The following PEX11B variants were observed in gnomAD, a reference collection of about 807,000 sequenced individuals.
PEX11B encodes the protein peroxisomal membrane protein 11B.
Under a neutral mutation model 28.2 loss-of-function variants are expected in PEX11B, and 18 were observed. The observed-to-expected ratio is 0.64, with a 90% confidence interval of 0.44 to 0.95. PEX11B has a LOEUF of 0.95. Among genes scored for constraint, PEX11B ranks in the 40% least tolerant of loss-of-function variants. The probability of loss-of-function intolerance (pLI) is 0.00; values close to 1 mark genes in which losing one functional copy is unlikely to be tolerated. For synonymous variants in PEX11B, 128 were observed against 128.7 expected (o/e 0.99, Z 0.04); for missense variants, 305 against 319.8 (o/e 0.95, Z 0.35).
rs987520093 is a variant in PEX11B, at chr1:145,917,886, G to C, written c.57-70C>G. ...TTCCGCTCAAAACTATCTTCCAAAA[G>C]GCACAGACAGACTTCCCCCTTTCCC... On this transcript the variant is annotated intron_variant, in intron 1 of 3. Transcript: ENST00000369306. 3.5e-6 allele frequency: 5 copies of C among 1,428,546 alleles called. No homozygotes were observed. The African/African-American group carries it at 5.6e-5, about 16-fold the overall frequency. The allele number at this position is 1,428,546 out of a possible 1,614,324, so 88.5% of individuals were successfully genotyped here.
intron 2 of PEX11B, 29 bp downstream of exon 2, chr1:145,917,672 G>A (rs1559225088): frequency 8.2e-7 from 1 of 1,225,778 alleles, no homozygotes; most frequent in Non-Finnish European, 1.2e-6. Flanking sequence ...GAAAGGTTGG[G>A]GGATAAAAGG....
chr1:145,917,737 G>T lies in PEX11B; in HGVS notation c.136C>A (p.Arg46=). The T allele has an allele frequency of 1.2e-6, 2 of 1,612,164 alleles. No individual in the cohort carries two copies. The highest frequency in any genetic ancestry group is 1.7e-6 in the Non-Finnish European group (2 of 1,178,200). The change falls in exon 2 of 4, where the codon CGA becomes AGA. Residue 46 remains arginine, a synonymous_variant. Coordinates refer to ENST00000369306, the MANE Select transcript of PEX11B (RefSeq NM_003846.3). ...GASPELQKQI[R]QLESHLSLGR... is the part of the protein sequence containing the mutation. The stretch of plus-strand genomic sequence containing the variant: ...AGGCTCAGGTGGCTCTCCAGTTGTC[G>T]AATCTGTTTCTGTAACTCAGGACTG...
rs956500532 is a variant in PEX11B, at chr1:145,911,960, A to T, written c.*201T>A. The T allele has an allele frequency of 1.4e-5, 6 of 433,282 alleles. No individual in the cohort carries two copies. The highest frequency in any genetic ancestry group is 2.4e-5 in the Non-Finnish European group (6 of 246,328). 26.8% of individuals were successfully genotyped at this position (433,282 alleles called of 1,614,324 possible). On this transcript the variant is annotated 3_prime_UTR_variant, in exon 4 of 4. Transcript: ENST00000369306. ...AGGAAAAGAACAGAAGCTCAGGCAC[A>T]TCTAGAAATTAGAGACATCCTATTA... is the stretch of plus-strand genomic sequence containing the variant.
At chr1:145,918,298 A>G in intron 1 of PEX11B, 1 of 1,469,168 alleles carries the variant, frequency 6.8e-7, no homozygotes, top group Admixed American at 2.3e-5. Context: ...GTGCCTCCTC[A>G]GCTCTGGGGG....
rs144057120 is a variant in PEX11B at position 145,917,916 on chromosome 1, T to G, written c.57-100A>C. 2.6e-4 allele frequency: 368 copies of G among 1,398,870 alleles called. No individual in the cohort carries two copies. In the African/African-American group the frequency reaches 4.7e-3, roughly 18 times the overall value. The allele number at this position is 1,398,870 out of a possible 1,614,324, so 86.7% of individuals were successfully genotyped here. A position where few individuals can be genotyped will look rare whatever the true frequency, so the allele number is the denominator to read the frequency against. ...AGACAGACTTCCCCCTTTCCCAGTTTGAGAACACTCCCCTTCCTCCTCCAT... is the reference window on the plus strand; with the variant it reads ...AGACAGACTTCCCCCTTTCCCAGTTGGAGAACACTCCCCTTCCTCCTCCAT... On this transcript the variant is annotated intron_variant, in intron 1 of 3. Transcript: ENST00000369306.
In PEX11B at chr1:145,912,367, G is replaced by A; in HGVS notation, c.574C>T (p.Leu192=). The change falls in exon 4 of 4, where the codon CTG becomes TTG. Residue 192 remains leucine, a synonymous_variant. Transcript: ENST00000369306. The part of the protein sequence containing the change: ...GLPQLALKLR[L]QVLLLARVLR... ...ACTCGAGCCAGGAGCAGGACTTGCA[G>A]CCGAAGTTTCAGAGCCAGTTGGGGC... 1 of 1,612,930 alleles carries A rather than the reference G, an allele frequency of 6.2e-7. No homozygotes were observed. The highest frequency in any genetic ancestry group is 8.5e-7 in the Non-Finnish European group (1 of 1,179,452).
chr1:145,918,169 C>T lies in PEX11B; in HGVS notation c.57-353G>A, dbSNP rs1448373999. ...GCAGACAGTTGGAGGGCATTTTATT[C>T]CTCAGAATAGGTGAACTGAGAGATT... On this transcript the variant is annotated intron_variant, in intron 1 of 3. Transcript: ENST00000369306. 3 of 985,298 alleles carry T rather than the reference C, an allele frequency of 3.0e-6. No individual in the cohort carries two copies. The African/African-American group carries it at 5.2e-5, about 17-fold the overall frequency. The allele number at this position is 985,298 out of a possible 1,614,324, so 61.0% of individuals were successfully genotyped here. A position where few individuals can be genotyped will look rare whatever the true frequency, so the allele number is the denominator to read the frequency against.
At position 145,911,509 on chromosome 1, in the gene PEX11B, TG is replaced by T; in HGVS notation, c.*651del. On this transcript the variant is annotated 3_prime_UTR_variant, in exon 4 of 4. Transcript: ENST00000369306. ...AAGCGACAAAGGAGTAAGAACAGACTGGGGAATAAAGCTCTGAAATCAAAGT... is the reference window on the plus strand; with the variant it reads ...AAGCGACAAAGGAGTAAGAACAGACTGGGAATAAAGCTCTGAAATCAAAGT... 1 of 159,920 alleles carries T rather than the reference TG, an allele frequency of 6.3e-6. No individual in the cohort carries two copies. Among genetic ancestry groups the T allele is most frequent in the Non-Finnish European group, 1.4e-5 (1 of 71,008 alleles). 9.9% of individuals were successfully genotyped at this position (159,920 alleles called of 1,614,324 possible).
At chr1:145,917,127 AT>A (rs1647428746) in intron 2 of PEX11B, 109 bp from the exon 3 acceptor site, 1 of 753,504 alleles carries the variant, frequency 1.3e-6, no homozygotes, top group Non-Finnish European at 2.4e-6. Context: ...AATAATGACA[AT>A]TTTTTTAAAG....
At position 145,918,696 on chromosome 1, in the gene PEX11B, G is replaced by A. The variant is rs367781981; in HGVS notation, c.-8C>T. Reference sequence around the variant, plus strand: ...GCGGACCCAGGCGTCCATGACAGCCGCAGCCCAGGCTCCGCGGCCCTGCTC... The same window carrying A: ...GCGGACCCAGGCGTCCATGACAGCCACAGCCCAGGCTCCGCGGCCCTGCTC... On this transcript the variant is annotated 5_prime_UTR_variant, in exon 1 of 4. Transcript: ENST00000369306. The A allele has an allele frequency of 7.8e-6, 12 of 1,541,144 alleles. No homozygotes were observed. The African/African-American group carries it at 8.3e-5, about 11-fold the overall frequency.
intron 2 of PEX11B, among the ~76,000 whole-genome samples, 166 bp downstream of exon 2, chr1:145,917,535 T>G (rs1287651619): frequency 6.6e-6 from 1 of 152,192 alleles, no homozygotes; most frequent in Non-Finnish European, 1.5e-5. Context: ...TCCGCCTAAT[T>G]ACTTCCATAC....
chr1:145,912,311 G>A lies in PEX11B; in HGVS notation c.630C>T (p.Asp210=), dbSNP rs782043450. Residue 210 remains aspartate (D), a synonymous_variant, in exon 4 of 4, where the codon GAC becomes GAT. Coordinates refer to ENST00000369306, the MANE Select transcript of PEX11B (RefSeq NM_003846.3). Reference sequence around the variant, plus strand: ...AGAGATCACAGGCATTTCTGACCACGTCTAGCAGAAGTGGGGGATGACCTC... The same window carrying A: ...AGAGATCACAGGCATTTCTGACCACATCTAGCAGAAGTGGGGGATGACCTC... The part of the protein sequence containing the change: ...VLRGHPPLLL[D]VVRNACDLFI... The A allele has an allele frequency of 1.1e-5, 17 of 1,613,924 alleles. No homozygotes were observed. Among genetic ancestry groups the A allele is most frequent in the African/African-American group, 6.7e-5 (5 of 74,880 alleles).
In PEX11B at chr1:145,918,342, C is replaced by T. The variant is rs949197746; in HGVS notation, c.56+291G>A. On this transcript the variant is annotated intron_variant, in intron 1 of 3. Transcript: ENST00000369306. ...GGGGCTATCCACCGTGGGGCGAATG[C>T]TCCTCATTCCATCACCGCCCAGTGA... The T allele has an allele frequency of 2.6e-6, 4 of 1,519,920 alleles. No homozygotes were observed. The Admixed American group carries it at 8.0e-5, about 30-fold the overall frequency. The allele number at this position is 1,519,920 out of a possible 1,614,324, so 94.2% of individuals were successfully genotyped here. A position where few individuals can be genotyped will look rare whatever the true frequency, so the allele number is the denominator to read the frequency against.
At chr1:145,913,750 G>A (rs1647224849) in intron 3 of PEX11B, among the ~76,000 whole-genome samples, 1 of 152,124 alleles carries the variant, frequency 6.6e-6, no homozygotes, top group South Asian at 2.1e-4. Flanking sequence ...TATTCCTTTA[G>A]AGGCCCAGAG....
chr1:145,913,592 AACACACACACACACACACACAC>A (rs56031424), intron 3 of PEX11B, among the ~76,000 whole-genome samples: 8 of 142,802 alleles, frequency 5.6e-5, no homozygotes, highest in Non-Finnish European at 9.3e-5. Context: ...TCCACTTGGC[AACACACACACACACACACACAC>A]ACACACACAC....
In PEX11B at chr1:145,911,551, AAGGT is replaced by A. The variant is rs1657784990; in HGVS notation, c.*606_*609del. The A allele has an allele frequency of 6.0e-6, 1 of 166,820 alleles. No individual in the cohort carries two copies. The highest frequency in any genetic ancestry group is 2.3e-5 in the African/African-American group (1 of 42,854). The allele number at this position is 166,820 out of a possible 1,614,324, so 10.3% of individuals were successfully genotyped here. On this transcript the variant is annotated 3_prime_UTR_variant, in exon 4 of 4. Coordinates refer to ENST00000369306, the MANE Select transcript of PEX11B (RefSeq NM_003846.3). ...AAATCAAAGTGTAAGCAGAAATCTG[AAGGT>A]AGGTGTACAAGGAAGGATAAGGGCC...
rs587636967 is a variant in PEX11B at position 145,916,258 on chromosome 1, C to T, written c.374+559G>A. Among the ~76,000 whole-genome samples, 18 of 152,302 alleles carry T rather than the reference C, an allele frequency of 1.2e-4. No individual in the cohort carries two copies. The South Asian group carries it at 3.3e-3, about 28-fold the overall frequency. On this transcript the variant is annotated intron_variant, in intron 3 of 3. Transcript: ENST00000369306. ...TTCTGCTACTGTTGGCTTTGTCTAA[C>T]TCCTCCTACTCAGACATCAGGTCTG...
chr1:145,918,643 G>T lies in PEX11B; in HGVS notation c.46C>A (p.Arg16=). The T allele has an allele frequency of 7.7e-7, 1 of 1,303,280 alleles. No individual in the cohort carries two copies. Among genetic ancestry groups the T allele is most frequent in the South Asian group, 1.2e-5 (1 of 83,386 alleles). 80.7% of individuals were successfully genotyped at this position (1,303,280 alleles called of 1,614,324 possible). ...RFSAQSQARE[R]LCRAAQYACS... The stretch of plus-strand genomic sequence containing the variant: ...CTATTCGGGCCGCACCTACACAGCC[G>T]CTCCCGGGCTTGGCTCTGAGCACTG... The change falls in exon 1 of 4, where the codon CGG becomes AGG. Residue 16 remains arginine, a synonymous_variant. Coordinates refer to ENST00000369306, the MANE Select transcript of PEX11B (RefSeq NM_003846.3).
At chr1:145,918,547 C>T in intron 1 of PEX11B, 86 bp downstream of exon 1, 3 of 1,548,030 alleles carry the variant, frequency 1.9e-6, no homozygotes, top group East Asian at 2.4e-5. Flanking sequence ...CTTGACCCCC[C>T]TGTAGCCTAA....
Sources: allele counts gnomAD v4.1 joint callset (sites outside exome capture counted in the v4.1 genomes callset), GRCh38; gene constraint gnomAD v4.1.1; transcripts MANE v1.5; gene names NCBI Gene and HGNC (gene_info 2026-07-23, HGNC 2026-07-21).